Variants in CDC42 observed in about 807,000 individuals in gnomAD.
The protein encoded by CDC42 is cell division cycle 42.
Under a neutral mutation model 20.8 loss-of-function variants are expected in CDC42, and 1 was observed. The ratio of observed to expected loss-of-function variants is 0.05; its 90% CI spans 0.02 to 0.23. CDC42 has a LOEUF of 0.23. Among genes scored for constraint, CDC42 ranks in the 10% least tolerant of loss-of-function variants. CDC42 has a pLI of 1.00. For missense variants in CDC42, 49 were observed against 227.9 expected (o/e 0.21, Z 5.05); for synonymous variants, 72 against 84.8 (o/e 0.85, Z 0.83).
chr1:22,066,978 G>A (rs1019372087), intron 1 of CDC42, among the ~76,000 whole-genome samples: 3 of 152,146 alleles, frequency 2.0e-5, no homozygotes, highest in Admixed American at 1.3e-4. Context: ...CTGGAAAATC[G>A]CTTGAACCTG....
intron 1 of CDC42, among the ~76,000 whole-genome samples, chr1:22,060,914 A>G (rs1041796559): frequency 1.3e-5 from 2 of 152,196 alleles, no homozygotes; most frequent in African/African-American, 4.8e-5. Flanking sequence ...TATGGATATC[A>G]GTGTTTTTTT....
chr1:22,090,820 C>CT (rs1645708621), intron 5 of CDC42: 1 of 984,830 alleles, frequency 1.0e-6, no homozygotes. Flanking sequence ...CCTGATGAAG[C>CT]TTTATTCCTG....
chr1:22,069,818 G>A (rs1645465351), intron 1 of CDC42, among the ~76,000 whole-genome samples: 1 of 151,208 alleles, frequency 6.6e-6, no homozygotes, highest in Admixed American at 6.6e-5. Flanking sequence ...TTTTGAGATA[G>A]CATCTCCCTG....
intron 2 of CDC42, among the ~76,000 whole-genome samples, chr1:22,081,241 T>C (rs1645604472): frequency 6.6e-6 from 1 of 152,190 alleles, no homozygotes; most frequent in African/African-American, 2.4e-5. Context: ...GGAACCGTTA[T>C]TTCTCTCAAA....
chr1:22,098,951 G>T lies in CDC42; in HGVS notation c.*7434G>T, dbSNP rs1228448238. On this transcript the variant is annotated 3_prime_UTR_variant, in exon 6 of 6. Coordinates refer to ENST00000656825, the MANE Select transcript of CDC42 (RefSeq NM_001791.4). ...TTTTTGCATTTTGTGTAGAGAGGGG[G>T]TTTTGCCATTTTACCCAGGCTGGTC... Among the ~76,000 whole-genome samples, 1 of 152,102 alleles carries T rather than the reference G, an allele frequency of 6.6e-6. No homozygotes were observed. Among genetic ancestry groups the T allele is most frequent in the African/African-American group, 2.4e-5 (1 of 41,402 alleles).
intron 1 of CDC42, among the ~76,000 whole-genome samples, chr1:22,054,511 C>T (rs986721624): frequency 6.6e-6 from 1 of 152,074 alleles, no homozygotes; most frequent in Non-Finnish European, 1.5e-5. Context: ...TATCCTTCCG[C>T]GACTGCAATA....
chr1:22,058,758 C>T (rs1645330860), intron 1 of CDC42, among the ~76,000 whole-genome samples: 1 of 152,158 alleles, frequency 6.6e-6, no homozygotes, highest in African/African-American at 2.4e-5. Flanking sequence ...CTTGGCCTCC[C>T]ATAGTGCTGG....
chr1:22,089,585 C>G (rs1322595729), intron 5 of CDC42, among the ~76,000 whole-genome samples: 1 of 152,176 alleles, frequency 6.6e-6, no homozygotes, highest in Non-Finnish European at 1.5e-5. Context: ...GTCATTGAAC[C>G]TAGAAACACA....
chr1:22,075,131 T>A (rs1645534209), intron 1 of CDC42, among the ~76,000 whole-genome samples: 1 of 152,228 alleles, frequency 6.6e-6, no homozygotes, highest in African/African-American at 2.4e-5. Flanking sequence ...GATGTGAAAC[T>A]TTAGCATGAG....
chr1:22,070,689 C>T (rs1043857659), intron 1 of CDC42, among the ~76,000 whole-genome samples: 6 of 151,954 alleles, frequency 3.9e-5, no homozygotes, highest in African/African-American at 9.7e-5. Context: ...TGGTCTTGAT[C>T]TCTTGACCTC....
At chr1:22,067,932 G>A (rs557608440) in intron 1 of CDC42, among the ~76,000 whole-genome samples, 1 of 152,226 alleles carries the variant, frequency 6.6e-6, no homozygotes, top group East Asian at 1.9e-4. Context: ...TAGTGGAAGG[G>A]TAGCTTGAAA....
Position 22,083,331 on chromosome 1 carries a change from G to A in CDC42, c.178+1537G>A, listed in dbSNP as rs140303977. Reference sequence around the variant, plus strand: ...TAAAAATCATTTTAAGGCCAGGCGCGGTGGCTCACGCCTGTAATTGCAGCA... The same window carrying A: ...TAAAAATCATTTTAAGGCCAGGCGCAGTGGCTCACGCCTGTAATTGCAGCA... On this transcript the variant is annotated intron_variant, in intron 3 of 5. Transcript: ENST00000656825. Among the ~76,000 whole-genome samples, 311 of 152,042 alleles carry A rather than the reference G, an allele frequency of 2.0e-3. 1 individual carries two copies. Among genetic ancestry groups the A allele is most frequent in the African/African-American group, 7.3e-3 (302 of 41,460 alleles).
At position 22,094,294 on chromosome 1, in the gene CDC42, A is replaced by ATTTT. The variant is rs747002932; in HGVS notation, c.*2795_*2798dup. 1.5e-3 allele frequency among the ~76,000 whole-genome samples: 59 copies of ATTTT among 38,300 alleles called. 21 individuals carry two copies. The East Asian group carries it at 0.035, about 23-fold the overall frequency. The allele number at this position is 38,300 out of a possible 152,430, so 25.1% of individuals were successfully genotyped here. On this transcript the variant is annotated 3_prime_UTR_variant, in exon 6 of 6. Coordinates refer to ENST00000656825, the MANE Select transcript of CDC42 (RefSeq NM_001791.4). ...GTTTTACTGAACATCCTAGAAATAGATTTTTTTTTTTTTTTTTTTTTGAGA... is the reference window on the plus strand; with the variant it reads ...GTTTTACTGAACATCCTAGAAATAGATTTTTTTTTTTTTTTTTTTTTTTTTGAGA...
At chr1:22,080,128 TA>T (rs1463643528) in intron 2 of CDC42, among the ~76,000 whole-genome samples, 1 of 152,226 alleles carries the variant, frequency 6.6e-6, no homozygotes, top group Non-Finnish European at 1.5e-5. Context: ...TATATTGTCT[TA>T]CCCATCTCTT....
chr1:22,078,193 G>A (rs1311636080), intron 1 of CDC42, among the ~76,000 whole-genome samples: 1 of 152,082 alleles, frequency 6.6e-6, no homozygotes, highest in African/African-American at 2.4e-5. Flanking sequence ...ACACCACTTT[G>A]GACCTTTTAA....
At chr1:22,084,000 T>TA (rs1211363477) in intron 3 of CDC42, among the ~76,000 whole-genome samples, 1 of 152,216 alleles carries the variant, frequency 6.6e-6, no homozygotes, top group African/African-American at 2.4e-5. Context: ...TGCCGAGTGT[T>TA]ATTCTGTTCT....
intron 3 of CDC42, among the ~76,000 whole-genome samples, chr1:22,084,683 T>TG (rs1645643849): frequency 5.9e-5 from 9 of 152,180 alleles, no homozygotes; most frequent in Admixed American, 3.3e-4. Flanking sequence ...GAAGTTTGTC[T>TG]ATTTTTTGGT....
In CDC42 at chr1:22,092,766, G is replaced by C. The variant is rs1645730267; in HGVS notation, c.*1249G>C. 6.6e-6 allele frequency: 1 copy of C among 152,556 alleles called. No homozygotes were observed. Among genetic ancestry groups the C allele is most frequent in the Non-Finnish European group, 1.5e-5 (1 of 68,016 alleles). The allele number at this position is 152,556 out of a possible 1,614,324, so 9.5% of individuals were successfully genotyped here. ...CAGACTCTTCTTAAGTGTTAATAGG[G>C]ATTTTTTCAGCTTATTTTGGTTGCA... On this transcript the variant is annotated 3_prime_UTR_variant, in exon 6 of 6. Coordinates refer to ENST00000656825, the MANE Select transcript of CDC42 (RefSeq NM_001791.4).
chr1:22,094,870 T>C lies in CDC42; in HGVS notation c.*3353T>C, dbSNP rs564078074. Among the ~76,000 whole-genome samples, 10 of 152,336 alleles carry C rather than the reference T, an allele frequency of 6.6e-5. No individual in the cohort carries two copies. Among genetic ancestry groups the C allele is most frequent in the African/African-American group, 2.4e-4 (10 of 41,580 alleles). On this transcript the variant is annotated 3_prime_UTR_variant, in exon 6 of 6. Coordinates refer to ENST00000656825, the MANE Select transcript of CDC42 (RefSeq NM_001791.4). ...ATAATTGTTACCTTCATAGAATGCT[T>C]AAATAGTGGTACTTCTTTGACTTGT...
Sources: gnomAD v4.1 joint callset for allele counts (sites outside exome capture counted in the v4.1 genomes callset) on GRCh38, gnomAD v4.1.1 for gene constraint, MANE v1.5 for transcripts, NCBI Gene and HGNC (gene_info 2026-07-23, HGNC 2026-07-21) for gene names.